SLC25A41: variants seen among roughly 807,000 people sequenced by gnomAD.
The protein encoded by SLC25A41 is solute carrier family 25 member 41, also known as mitochondrial carrier protein SCaMC-3L.
SLC25A41 carries 35 observed loss-of-function variants against 34.7 expected under a neutral mutation model. The ratio of observed to expected loss-of-function variants is 1.01; its 90% CI spans 0.77 to 1.34. SLC25A41 has a LOEUF of 1.34. SLC25A41 is among the 40% of genes most tolerant of loss of function. The probability of loss-of-function intolerance (pLI) is 0.00; values close to 1 mark genes in which losing one functional copy is unlikely to be tolerated. For synonymous variants in SLC25A41, 190 were observed against 209.9 expected (o/e 0.91, Z 0.82); for missense variants, 492 against 489.8 (o/e 1.00, Z -0.04).
Position 6,429,773 on chromosome 19 carries a change from G to A in SLC25A41, c.575C>T (p.Ala192Val), listed in dbSNP as rs1315751903. Residue 192 changes from alanine (A) to valine (V), a missense_variant, in exon 4 of 7, where the codon GCT becomes GTT. Ala to Val is a moderately conservative substitution (Grantham distance 64). Coordinates refer to ENST00000321510, the MANE Select transcript of SLC25A41 (RefSeq NM_173637.4). ...GSPPFQERLL[A>V]GSLAVAISQT... ...GGAGATGGCCACAGCCAGGGAGCCA[G>A]CAAGGAGACGCTCCTGGAAGGGCGG... The A allele has an allele frequency of 1.2e-6, 2 of 1,610,130 alleles. No homozygotes were observed. The highest frequency in any genetic ancestry group is 1.3e-5 in the African/African-American group (1 of 74,692).
intron 4 of SLC25A41, among the ~76,000 whole-genome samples, chr19:6,429,023 TTA>T (rs1188926856): frequency 5.8e-5 from 3 of 51,852 alleles, no homozygotes; most frequent in Non-Finnish European, 9.4e-5. Flanking sequence ...GCCTGAAAAT[TTA>T]TATATATATA....
In SLC25A41 at chr19:6,427,086, G is replaced by T. The variant is rs112166427; in HGVS notation, c.940+17C>A. ...CGGGGAAGGGGCATGCGTGGTGGCC[G>T]CTGGGGACAGGCTGACCTTGGGCCT... On this transcript the variant is annotated intron_variant, in intron 6 of 6. Coordinates refer to ENST00000321510, the MANE Select transcript of SLC25A41 (RefSeq NM_173637.4). The surrounding 1 kb of genome is among the most constrained non-coding windows in gnomAD (Gnocchi z 4.9). The T allele has an allele frequency of 2.5e-6, 4 of 1,585,436 alleles. No homozygotes were observed. The highest frequency in any genetic ancestry group is 3.4e-6 in the Non-Finnish European group (4 of 1,166,932).
intron 2 of SLC25A41, among the ~76,000 whole-genome samples, chr19:6,431,334 C>T (rs1217661212): frequency 6.6e-6 from 1 of 150,608 alleles, no homozygotes. Flanking sequence ...CTGCAGCCTC[C>T]AACTCCTGGG....
chr19:6,430,290 T>G, intron 2 of SLC25A41, 129 bp from the exon 3 acceptor site: 2 of 1,066,158 alleles, frequency 1.9e-6, no homozygotes, highest in Non-Finnish European at 2.6e-6. Flanking sequence ...CCCATCCCCA[T>G]TCCTTCTTCA....
At position 6,433,540 on chromosome 19, in the gene SLC25A41, A is replaced by G; in HGVS notation, c.154T>C (p.Tyr52His). The G allele has an allele frequency of 6.2e-7, 1 of 1,609,802 alleles. No individual in the cohort carries two copies. Among genetic ancestry groups the G allele is most frequent in the Non-Finnish European group, 8.5e-7 (1 of 1,178,542 alleles). Residue 52 changes from tyrosine to histidine, a missense_variant, in exon 1 of 7, where the codon TAC becomes CAC. Physicochemically the swap from Tyr to His is moderately conservative, Grantham distance 83. Transcript: ENST00000321510. ...TTGTCATGCATGTGGCCAAACGCGT[A>G]CCCATACACGTGTGTACAGCCAGGG... ...WNPGCTHVYG[Y>H]AFGHMHDNNL... is the part of the protein sequence containing the mutation.
Position 6,429,033 on chromosome 19 carries a change from ATATATAATATATATATTATATATATG to A in SLC25A41, c.624+665_624+690del, listed in dbSNP as rs2092258287. Among the ~76,000 whole-genome samples, 13 of 43,978 alleles carry A rather than the reference ATATATAATATATATATTATATATATG, an allele frequency of 3.0e-4. 3 individuals carry two copies. The highest frequency in any genetic ancestry group is 2.3e-3 in the African/African-American group (13 of 5,590). 28.9% of individuals were successfully genotyped at this position (43,978 alleles called of 152,430 possible). On this transcript the variant is annotated intron_variant, in intron 4 of 6. Coordinates refer to ENST00000321510, the MANE Select transcript of SLC25A41 (RefSeq NM_173637.4). ...GTCTGGCCTGAAAATTTATATATATATATATAATATATATATTATATATATGTTATATATATATATAATATATATAT... is the reference window on the plus strand; with the variant it reads ...GTCTGGCCTGAAAATTTATATATATATTATATATATATATAATATATATAT...
upstream of SLC25A41, among the ~76,000 whole-genome samples, chr19:6,434,830 A>G (rs1599262464): frequency 1.3e-5 from 2 of 151,910 alleles, no homozygotes; most frequent in African/African-American, 4.8e-5. Flanking sequence ...AATTGCTTGA[A>G]CCCAGGAGAC....
At position 6,433,510 on chromosome 19, in the gene SLC25A41, GGTT is replaced by G; in HGVS notation, c.181_183del (p.Asn61del). ...ACCTGCTGTGACGGGAGATGTTCAA[GGTT>G]GTTGTCATGCATGTGGCCAAACGCG... On this transcript the variant is annotated inframe_deletion, in exon 1 of 7. Transcript: ENST00000321510. 1 of 1,613,120 alleles carries G rather than the reference GGTT, an allele frequency of 6.2e-7. No homozygotes were observed. The highest frequency in any genetic ancestry group is 1.1e-5 in the South Asian group (1 of 91,038).
chr19:6,427,374 C>A lies in SLC25A41; in HGVS notation c.752G>T (p.Gly251Val). ...GTCGGTGCAGGCATAGGGGATGATG[C>A]CGAGCATATTGGGCAGGTAGCCGCG... ...LYRGYLPNMLGIIPYACTDLA... is the reference protein window; with the variant it reads ...LYRGYLPNMLVIIPYACTDLA... The change falls in exon 5 of 7, where the codon GGC (glycine) becomes GTC (valine). Residue 251 changes from glycine (G) to valine (V), a missense_variant. Physicochemically the swap from Gly to Val is moderately radical, Grantham distance 109. Coordinates refer to ENST00000321510, the MANE Select transcript of SLC25A41 (RefSeq NM_173637.4). This position sits in a 1 kb window ranked among gnomAD's most constrained non-coding sequence, Gnocchi z 4.9. The A allele has an allele frequency of 6.2e-7, 1 of 1,611,528 alleles. No homozygotes were observed. The highest frequency in any genetic ancestry group is 8.5e-7 in the Non-Finnish European group (1 of 1,178,830).
At position 6,426,535 on chromosome 19, in the gene SLC25A41, T is replaced by C. The variant is rs1257789028; in HGVS notation, c.967A>G (p.Met323Val). 1 of 1,613,160 alleles carries C rather than the reference T, an allele frequency of 6.2e-7. No homozygotes were observed. The highest frequency in any genetic ancestry group is 1.1e-5 in the South Asian group (1 of 91,080). ...AGGATCCGCTGGAGGACTCCGCGCA[T>C]GGTGGGATTTGAGCCCTCCACGGTA... Reference protein sequence around the residue: ...QDTVEGSNPTMRGVLQRILAQ... With the variant: ...QDTVEGSNPTVRGVLQRILAQ... Residue 323 changes from methionine to valine, a missense_variant, in exon 7 of 7, where the codon ATG becomes GTG. Coordinates refer to ENST00000321510, the MANE Select transcript of SLC25A41 (RefSeq NM_173637.4).
At chr19:6,430,236 C>T in intron 2 of SLC25A41, 75 bp from the exon 3 acceptor site, 7 of 1,466,106 alleles carry the variant, frequency 4.8e-6, no homozygotes, top group Non-Finnish European at 6.3e-6. Flanking sequence ...CAAGCGCAGC[C>T]CCACCGGGAC....
In SLC25A41 at chr19:6,432,297, A is replaced by G. The variant is rs1041375400; in HGVS notation, c.208-93T>C. The G allele has an allele frequency of 6.1e-6, 8 of 1,314,708 alleles. No individual in the cohort carries two copies. The African/African-American group carries it at 6.1e-5, about 10-fold the overall frequency. 81.4% of individuals were successfully genotyped at this position (1,314,708 alleles called of 1,614,324 possible). A position where few individuals can be genotyped will look rare whatever the true frequency, so the allele number is the denominator to read the frequency against. On this transcript the variant is annotated intron_variant, in intron 1 of 6. Transcript: ENST00000321510. Reference sequence around the variant, plus strand: ...AGGGCACCCACCTGGTGAAAGACCCACCCTGTTCCCCCAAGTCTGCATTTT... The same window carrying G: ...AGGGCACCCACCTGGTGAAAGACCCGCCCTGTTCCCCCAAGTCTGCATTTT...
intron 1 of SLC25A41, among the ~76,000 whole-genome samples, chr19:6,432,694 G>T (rs746991366): frequency 6.6e-6 from 1 of 151,484 alleles, no homozygotes; most frequent in African/African-American, 2.4e-5. Flanking sequence ...TGGTTCAAGC[G>T]ATTCTCGTGT....
intron 6 of SLC25A41, 112 bp from the exon 7 acceptor site, chr19:6,426,673 T>G: frequency 5.3e-6 from 6 of 1,134,750 alleles, no homozygotes; most frequent in Non-Finnish European, 7.5e-6. Flanking sequence ...CAGGGGTCAG[T>G]AGGAAAACAG....
Position 6,426,502 on chromosome 19 carries a change from G to T in SLC25A41, c.1000C>A (p.Gln334Lys). 1 of 1,613,562 alleles carries T rather than the reference G, an allele frequency of 6.2e-7. No individual in the cohort carries two copies. Among genetic ancestry groups the T allele is most frequent in the Non-Finnish European group, 8.5e-7 (1 of 1,179,856 alleles). ...CCTCGGTACAGCCCTAGCCAGCCCT[G>T]CTGGGCCAGGATCCGCTGGAGGACT... ...RGVLQRILAQ[Q>K]GWLGLYRGMT... The change falls in exon 7 of 7, where the codon CAG becomes AAG. Residue 334 changes from glutamine to lysine, a missense_variant. Transcript: ENST00000321510.
In SLC25A41 at chr19:6,432,175, G is replaced by T. The variant is rs1423048282; in HGVS notation, c.237C>A (p.Val79=). The change falls in exon 2 of 7, where the codon GTC becomes GTA. Residue 79 remains valine (V), a synonymous_variant. Transcript: ENST00000321510. ...TATCCACTTCCAGGACTTCCACGGG[G>T]ACCATCAGCTGCTCTCCTGTGTCCA... ...QVLDTGEQLM[V]PVEVLEVDNK... The T allele has an allele frequency of 6.2e-7, 1 of 1,613,814 alleles. No individual in the cohort carries two copies. The highest frequency in any genetic ancestry group is 1.7e-5 in the Admixed American group (1 of 59,988).
At chr19:6,430,410 T>C in intron 2 of SLC25A41, 1 of 558,226 alleles carries the variant, frequency 1.8e-6, no homozygotes, top group Admixed American at 3.3e-5. Context: ...TTTTTCTCTC[T>C]CTCTTTCTTC....
intron 4 of SLC25A41, 37 bp downstream of exon 4, chr19:6,429,687 C>T (rs758665030): frequency 3.6e-5 from 54 of 1,482,688 alleles, no homozygotes; most frequent in East Asian, 3.1e-4. Flanking sequence ...CTAGTTTCCA[C>T]GGCGTTTCCT....
chr19:6,426,760 T>C (rs780853060), intron 6 of SLC25A41, among the ~76,000 whole-genome samples, 199 bp from the exon 7 acceptor site: 11 of 152,124 alleles, frequency 7.2e-5, no homozygotes, highest in Non-Finnish European at 1.5e-4. Context: ...TCAGGATTAA[T>C]TTTAGGAAAT....
Sources: gnomAD v4.1 joint callset for allele counts (sites outside exome capture counted in the v4.1 genomes callset) on GRCh38, gnomAD v4.1.1 for gene constraint, Gnocchi (gnomAD v3.1) non-coding constraint, MANE v1.5 for transcripts, NCBI Gene and HGNC (gene_info 2026-07-23, HGNC 2026-07-21) for gene names.